Variants in ZNF331 observed in about 807,000 individuals in gnomAD.
ZNF331 encodes C2H2-like zinc finger protein rearranged in thyroid adenomas.
ZNF331 carries 2 observed loss-of-function variants against 7.0 expected under a neutral mutation model. The observed-to-expected ratio is 0.29, with a 90% CI of 0.12 to 0.90. The LOEUF is 0.90. Ranked by LOEUF, ZNF331 falls within the 40% of genes least tolerant of loss-of-function variation. The pLI, the probability that ZNF331 is intolerant of heterozygous loss-of-function variation, is 0.58. For missense variants in ZNF331, 432 were observed against 587.7 expected (o/e 0.74, Z 2.74); for synonymous variants, 196 against 205.4 (o/e 0.95, Z 0.39).
At chr19:53,514,721 G>C (rs1227510921), upstream of ZNF331, among the ~76,000 whole-genome samples, 1 of 140,438 alleles carries the variant, frequency 7.1e-6, no homozygotes, top group Non-Finnish European at 1.5e-5. Context: ...CGCGATCTCG[G>C]CTCGCTGCAA....
chr19:53,575,051 C>T (rs1275599692), intron 5 of ZNF331, among the ~76,000 whole-genome samples: 1 of 151,552 alleles, frequency 6.6e-6, no homozygotes, highest in Non-Finnish European at 1.5e-5. Flanking sequence ...ATCCTCCCAC[C>T]TCAGCCTCCC....
intron 2 of ZNF331, among the ~76,000 whole-genome samples, chr19:53,529,946 T>C (rs2087467127): frequency 6.6e-6 from 1 of 151,712 alleles, no homozygotes; most frequent in African/African-American, 2.4e-5. Context: ...TAGGCCATTC[T>C]TGCATTGCTA....
At chr19:53,520,695 A>G (rs1428452961), upstream of ZNF331, among the ~76,000 whole-genome samples, 1 of 152,228 alleles carries the variant, frequency 6.6e-6, no homozygotes, top group Non-Finnish European at 1.5e-5. Flanking sequence ...TCTCTGGGGC[A>G]TGGCTCCATT....
chr19:53,510,964 A>G, the ZNF331 span, among the ~76,000 whole-genome samples: 7 of 152,262 alleles, frequency 4.6e-5, no homozygotes, highest in South Asian at 4.1e-4. Flanking sequence ...ATTATCTCAT[A>G]TATATGTAAA....
intron 2 of ZNF331, among the ~76,000 whole-genome samples, chr19:53,531,119 T>G (rs1292906760): frequency 6.6e-6 from 1 of 152,144 alleles, no homozygotes; most frequent in Non-Finnish European, 1.5e-5. Flanking sequence ...ATCCTCCTCT[T>G]TCCCCTAAAC....
chr19:53,571,552 C>G lies in ZNF331; in HGVS notation c.10-52C>G. On this transcript the variant is annotated intron_variant, in intron 4 of 5. Transcript: ENST00000449416. The surrounding 1 kb of genome is among the most constrained non-coding windows in gnomAD (Gnocchi z 4.7). ...GAGGGTGGCCTCCTGTCTCCTTCAT[C>G]TGGAAGCTGTTTCCTTTCATTTCAT... is the stretch of plus-strand genomic sequence containing the variant. 6.2e-7 allele frequency: 1 copy of G among 1,601,052 alleles called. No individual in the cohort carries two copies.
At chr19:53,540,359 G>C (rs925864840) in intron 2 of ZNF331, among the ~76,000 whole-genome samples, 11 of 152,162 alleles carry the variant, frequency 7.2e-5, no homozygotes, top group African/African-American at 2.4e-4. Flanking sequence ...CTCTCACGGA[G>C]GACATGTGTG....
intron 3 of ZNF331, among the ~76,000 whole-genome samples, chr19:53,556,614 C>T (rs2089446995): frequency 6.6e-6 from 1 of 151,602 alleles, no homozygotes; most frequent in African/African-American, 2.4e-5. Flanking sequence ...TGTGAGCCAC[C>T]ATGTTGGGCC....
chr19:53,511,307 T>TA, the ZNF331 span, among the ~76,000 whole-genome samples: 3 of 152,066 alleles, frequency 2.0e-5, no homozygotes, highest in African/African-American at 7.2e-5. Flanking sequence ...ATTCCCTACA[T>TA]AAAAATATAT....
chr19:53,538,980 T>A (rs1409998773), intron 1 of ZNF331: 1 of 152,214 alleles, frequency 6.6e-6, no homozygotes, highest in Non-Finnish European at 1.5e-5. Context: ...AGAAGTGCTG[T>A]GCATGCAGGC....
chr19:53,525,450 T>C (rs1568459158), intron 2 of ZNF331, among the ~76,000 whole-genome samples: 1 of 152,172 alleles, frequency 6.6e-6, no homozygotes, highest in Non-Finnish European at 1.5e-5. Context: ...GGTTTGTAGT[T>C]CTCCTTGAAG....
chr19:53,579,407 G>A lies in ZNF331; in HGVS notation c.*1455G>A, dbSNP rs958664319. 2.3e-5 allele frequency: 5 copies of A among 213,734 alleles called. No homozygotes were observed. The highest frequency in any genetic ancestry group is 3.8e-5 in the Non-Finnish European group (4 of 105,614). The allele number at this position is 213,734 out of a possible 1,614,324, so 13.2% of individuals were successfully genotyped here. On this transcript the variant is annotated 3_prime_UTR_variant, in exon 6 of 6. Transcript: ENST00000449416. ...GGCCAAAGGCTCACTACCCCTGTGC[G>A]TTGTCCAGCACACAGACACTATGTG...
At chr19:53,559,128 CA>C (rs2089641795) in intron 3 of ZNF331, among the ~76,000 whole-genome samples, 1 of 143,260 alleles carries the variant, frequency 7.0e-6, no homozygotes, top group Non-Finnish European at 1.6e-5. Flanking sequence ...TACATACACA[CA>C]CACCCCATGT....
chr19:53,520,013 A>G (rs2087006778), upstream of ZNF331, among the ~76,000 whole-genome samples: 1 of 152,136 alleles, frequency 6.6e-6, no homozygotes, highest in African/African-American at 2.4e-5. Flanking sequence ...AACTTTTCCC[A>G]AATCACAGCT....
intron 2 of ZNF331, among the ~76,000 whole-genome samples, chr19:53,545,422 T>C (rs2088530132): frequency 6.6e-6 from 1 of 152,246 alleles, no homozygotes; most frequent in Admixed American, 6.5e-5. Flanking sequence ...TCGGGCAGCC[T>C]GTGCTGTGGC....
At position 53,578,085 on chromosome 19, in the gene ZNF331, TG is replaced by T; in HGVS notation, c.*134del. 8.7e-7 allele frequency: 1 copy of T among 1,153,440 alleles called. No homozygotes were observed. Among genetic ancestry groups the T allele is most frequent in the African/African-American group, 1.6e-5 (1 of 64,168 alleles). The allele number at this position is 1,153,440 out of a possible 1,614,324, so 71.5% of individuals were successfully genotyped here. A position where few individuals can be genotyped will look rare whatever the true frequency, so the allele number is the denominator to read the frequency against. ...ATAAAGAATTTTAAGTCTCAAATGG[TG>T]TGCCCTTCTGAGTAGCGTGATGAAA... is the stretch of plus-strand genomic sequence containing the variant. On this transcript the variant is annotated 3_prime_UTR_variant, in exon 6 of 6. Transcript: ENST00000449416.
chr19:53,552,511 A>G (rs2089073132), intron 2 of ZNF331, among the ~76,000 whole-genome samples: 1 of 151,954 alleles, frequency 6.6e-6, no homozygotes, highest in Non-Finnish European at 1.5e-5. Context: ...TGAGCTCAGG[A>G]GATCAAGGCC....
intron 2 of ZNF331, among the ~76,000 whole-genome samples, chr19:53,545,339 C>T (rs116337688): frequency 0.02 from 3,039 of 152,244 alleles, 106 homozygotes; most frequent in African/African-American, 0.07. Flanking sequence ...GGAATGAGAG[C>T]GTGACTAACG....
chr19:53,503,723 C>G, the ZNF331 span: 1 of 700,950 alleles, frequency 1.4e-6, no homozygotes, highest in Admixed American at 2.0e-5. Context: ...CACCATCAGC[C>G]CCAGGAGCTC....
Sources: allele counts gnomAD v4.1 joint callset (sites outside exome capture counted in the v4.1 genomes callset), GRCh38; gene constraint gnomAD v4.1.1; non-coding constraint Gnocchi (gnomAD v3.1); transcripts MANE v1.5; gene names NCBI Gene and HGNC (gene_info 2026-07-23, HGNC 2026-07-21).